The following ZNF324B variants were observed in gnomAD, a reference collection of about 807,000 sequenced individuals.
ZNF324B encodes the protein zinc finger protein 324B.
In ZNF324B, 7 loss-of-function variants were observed where a neutral mutation model predicts 10.6. That is an observed-to-expected ratio of 0.66 (90% CI 0.38 to 1.24). ZNF324B has a LOEUF of 1.24. Ranked by LOEUF, ZNF324B falls within the 50% of genes most tolerant of loss-of-function variation. ZNF324B has a pLI of 0.02. For synonymous variants in ZNF324B, 316 were observed against 321.0 expected (o/e 0.98, Z 0.17); for missense variants, 640 against 764.7 (o/e 0.84, Z 1.92).
upstream of ZNF324B, among the ~76,000 whole-genome samples, chr19:58,447,865 T>C (rs1285998394): frequency 6.6e-6 from 1 of 152,166 alleles, no homozygotes; most frequent in African/African-American, 2.4e-5. Flanking sequence ...GTTCTCGTGG[T>C]AGTGAATAAG....
Position 58,456,174 on chromosome 19 carries a change from C to T in ZNF324B, c.1230C>T (p.Ser410=), listed in dbSNP as rs749729739. 10 of 1,613,134 alleles carry T rather than the reference C, an allele frequency of 6.2e-6. No individual in the cohort carries two copies. The African/African-American group carries it at 6.7e-5, about 11-fold the overall frequency. The change falls in exon 4 of 4, where the codon TCC becomes TCT. Residue 410 remains serine (S), a synonymous_variant. Transcript: ENST00000336614. This position sits in a 1 kb window ranked among gnomAD's most constrained non-coding sequence, Gnocchi z 4.7. Reference sequence around the variant, plus strand: ...GCGGTGCTGCCTTCAGCCAGGGCTCCTCGCTCTTTTTGCACCAGCGCGTGC... The same window carrying T: ...GCGGTGCTGCCTTCAGCCAGGGCTCTTCGCTCTTTTTGCACCAGCGCGTGC... ...ALCGAAFSQG[S]SLFLHQRVHT...
chr19:58,424,490 T>A, the ZNF324B span, among the ~76,000 whole-genome samples: 455 of 152,302 alleles, frequency 3.0e-3, 4 homozygotes, highest in Middle Eastern at 0.024. Flanking sequence ...TTGTTCAACG[T>A]CACTAGTCAT....
the ZNF324B span, chr19:58,433,374 T>A: frequency 1.2e-6 from 2 of 1,614,076 alleles, no homozygotes; most frequent in Non-Finnish European, 1.7e-6. Context: ...GGCTGAAGAG[T>A]TTCCCACACT....
Position 58,456,198 on chromosome 19 carries a change from G to T in ZNF324B, c.1254G>T (p.Val418=), listed in dbSNP as rs139455655. Residue 418 remains valine, a synonymous_variant, in exon 4 of 4, where the codon GTG becomes GTT. Transcript: ENST00000336614. This position sits in a 1 kb window ranked among gnomAD's most constrained non-coding sequence, Gnocchi z 4.7. The stretch of plus-strand genomic sequence containing the variant: ...CCTCGCTCTTTTTGCACCAGCGCGT[G>T]CACACAGGCGAGAAGCCCTTCGCCT... ...QGSSLFLHQR[V]HTGEKPFACA... is the part of the protein sequence containing the mutation. 2.5e-6 allele frequency: 4 copies of T among 1,612,892 alleles called. No individual in the cohort carries two copies. Among genetic ancestry groups the T allele is most frequent in the Middle Eastern group, 1.6e-4 (1 of 6,074 alleles).
chr19:58,432,604 G>A, the ZNF324B span, among the ~76,000 whole-genome samples: 9 of 152,138 alleles, frequency 5.9e-5, no homozygotes, highest in African/African-American at 1.4e-4. Context: ...TGGGCCCTAC[G>A]GTAACTGAAA....
chr19:58,420,107 C>T, the ZNF324B span, among the ~76,000 whole-genome samples: 1 of 152,134 alleles, frequency 6.6e-6, no homozygotes, highest in African/African-American at 2.4e-5. Context: ...CATGGTGAAA[C>T]TCCACCTCTA....
At chr19:58,439,368 C>T in the ZNF324B span, among the ~76,000 whole-genome samples, 2 of 152,332 alleles carry the variant, frequency 1.3e-5, no homozygotes, top group East Asian at 3.9e-4. Flanking sequence ...CCACCACCAT[C>T]AGAATAGAGG....
chr19:58,427,366 CT>C, the ZNF324B span, among the ~76,000 whole-genome samples: 1 of 41,878 alleles, frequency 2.4e-5, no homozygotes, highest in African/African-American at 7.7e-5. Flanking sequence ...TTCTTTCTTT[CT>C]TTCTTTCTTT....
At chr19:58,434,228 T>A in the ZNF324B span, 1 of 1,613,852 alleles carries the variant, frequency 6.2e-7, no homozygotes, top group African/African-American at 1.3e-5. Flanking sequence ...CCACATTGAC[T>A]GCACTCATAA....
At position 58,456,696 on chromosome 19, in the gene ZNF324B, G is replaced by C; in HGVS notation, c.*117G>C. ...AAAAGCTCTGTGCCTGAGAGTCAGG[G>C]ACGAGGGAGACCCTTTGGCTGTGGT... On this transcript the variant is annotated 3_prime_UTR_variant, in exon 4 of 4. Transcript: ENST00000336614. This position sits in a 1 kb window ranked among gnomAD's most constrained non-coding sequence, Gnocchi z 4.7. 1.6e-6 allele frequency: 2 copies of C among 1,279,994 alleles called. No individual in the cohort carries two copies. The highest frequency in any genetic ancestry group is 2.1e-6 in the Non-Finnish European group (2 of 941,316). The allele number at this position is 1,279,994 out of a possible 1,614,324, so 79.3% of individuals were successfully genotyped here.
At chr19:58,445,786 G>C in the ZNF324B span, 1 of 268,108 alleles carries the variant, frequency 3.7e-6, no homozygotes, top group Non-Finnish European at 7.2e-6. Context: ...CTGCACCCCA[G>C]ACTGGGTGAC....
the ZNF324B span, among the ~76,000 whole-genome samples, chr19:58,438,888 A>T: frequency 2.0e-5 from 3 of 151,934 alleles, no homozygotes; most frequent in South Asian, 6.2e-4. Flanking sequence ...CTTCTGCCTC[A>T]GTTTCCCAAG....
chr19:58,442,731 G>A, the ZNF324B span: 1 of 152,512 alleles, frequency 6.6e-6, no homozygotes, highest in Non-Finnish European at 1.5e-5. Flanking sequence ...CGTAAAGGTG[G>A]CGTGTCCAAT....
At chr19:58,440,014 C>T in the ZNF324B span, 8 of 600,910 alleles carry the variant, frequency 1.3e-5, no homozygotes, top group East Asian at 3.3e-5. Flanking sequence ...CACCTTGGCT[C>T]ATAAAAGCAG....
chr19:58,437,858 G>T, the ZNF324B span: 1 of 922,920 alleles, frequency 1.1e-6, no homozygotes, highest in Admixed American at 6.2e-5. Context: ...ACCATCAGCT[G>T]CCCAGAACCA....
At position 58,456,580 on chromosome 19, in the gene ZNF324B, G is replaced by A; in HGVS notation, c.*1G>A. The A allele has an allele frequency of 6.2e-7, 1 of 1,612,182 alleles. No individual in the cohort carries two copies. Among genetic ancestry groups the A allele is most frequent in the South Asian group, 1.1e-5 (1 of 90,904 alleles). The stretch of plus-strand genomic sequence containing the variant: ...AGTCCTGAAGCCAGCGAAGGTCTGA[G>A]GTCACAGGTCGCAGCCCAACCCTTT... On this transcript the variant is annotated 3_prime_UTR_variant, in exon 4 of 4. Coordinates refer to ENST00000336614, the MANE Select transcript of ZNF324B (RefSeq NM_207395.3). The surrounding 1 kb of genome is among the most constrained non-coding windows in gnomAD (Gnocchi z 4.7).
chr19:58,419,373 G>C, the ZNF324B span: 2 of 152,328 alleles, frequency 1.3e-5, no homozygotes, highest in African/African-American at 4.8e-5. Flanking sequence ...CTGTTGGGTA[G>C]AGTAATTTGA....
the ZNF324B span, chr19:58,428,747 G>C: frequency 2.0e-5 from 3 of 152,232 alleles, no homozygotes; most frequent in African/African-American, 7.2e-5. Flanking sequence ...GTCATTGGAA[G>C]TTTCTGATGT....
chr19:58,433,661 C>T, the ZNF324B span: 2 of 1,614,078 alleles, frequency 1.2e-6, no homozygotes, highest in Non-Finnish European at 1.7e-6. Context: ...GGCTTTTCTC[C>T]AGTATGAACT....
Sources: gnomAD v4.1 joint callset for allele counts (sites outside exome capture counted in the v4.1 genomes callset) on GRCh38, gnomAD v4.1.1 for gene constraint, Gnocchi (gnomAD v3.1) non-coding constraint, MANE v1.5 for transcripts, NCBI Gene and HGNC (gene_info 2026-07-23, HGNC 2026-07-21) for gene names.